STON1: variants seen among roughly 807,000 people sequenced by gnomAD.
STON1 encodes stonin-1.
STON1 carries 79 observed loss-of-function variants against 60.9 expected under a neutral mutation model. The ratio of observed to expected loss-of-function variants is 1.30; its 90% CI spans 1.08 to 1.56. STON1 has a LOEUF of 1.56. Among genes scored for constraint, STON1 ranks in the 40% most tolerant of loss-of-function variants. The pLI, the probability that STON1 is intolerant of heterozygous loss-of-function variation, is 0.00. For synonymous variants in STON1, 363 were observed against 306.9 expected (o/e 1.18, Z -1.91); for missense variants, 1,166 against 858.9 (o/e 1.36, Z -4.47).
chr2:48,535,374 TG>T (rs1399595330), intron 1 of STON1, among the ~76,000 whole-genome samples: 11 of 152,162 alleles, frequency 7.2e-5, no homozygotes, highest in Admixed American at 2.6e-4. Flanking sequence ...TTAGTGTGAG[TG>T]ATTCTGGGGA....
At chr2:48,576,898 C>T (rs1025366116) in intron 1 of STON1, among the ~76,000 whole-genome samples, 1 of 151,764 alleles carries the variant, frequency 6.6e-6, no homozygotes, top group African/African-American at 2.4e-5. Flanking sequence ...ACTAAAAATA[C>T]AAAAAATTAG....
chr2:48,562,118 C>G (rs1672638679), intron 1 of STON1, among the ~76,000 whole-genome samples: 2 of 152,216 alleles, frequency 1.3e-5, no homozygotes, highest in Non-Finnish European at 2.9e-5. Flanking sequence ...ACCTTGGCCT[C>G]CCAAAGTGCT....
At chr2:48,573,817 A>G (rs761529263) in intron 1 of STON1, among the ~76,000 whole-genome samples, 1 of 152,238 alleles carries the variant, frequency 6.6e-6, no homozygotes, top group Admixed American at 6.5e-5. Flanking sequence ...TGATATTTCC[A>G]TGCAGTGGAC....
intron 1 of STON1, among the ~76,000 whole-genome samples, chr2:48,544,105 G>A (rs1424180550): frequency 1.3e-5 from 2 of 152,154 alleles, no homozygotes; most frequent in East Asian, 1.9e-4. Flanking sequence ...CTCAGAACAT[G>A]TTGCTTTTTG....
intron 1 of STON1, among the ~76,000 whole-genome samples, chr2:48,539,537 T>C (rs1671572833): frequency 6.6e-6 from 1 of 152,100 alleles, no homozygotes; most frequent in Admixed American, 6.6e-5. Context: ...AGTCTCGCTC[T>C]GTCACCCAGG....
At chr2:48,557,540 G>A (rs1336653820) in intron 1 of STON1, among the ~76,000 whole-genome samples, 1 of 112,572 alleles carries the variant, frequency 8.9e-6, no homozygotes, top group Non-Finnish European at 1.9e-5. Context: ...GGTGGCGGCC[G>A]GGCAGAGGCT....
At chr2:48,579,874 T>A (rs1163932715) in intron 1 of STON1, among the ~76,000 whole-genome samples, 2 of 152,176 alleles carry the variant, frequency 1.3e-5, no homozygotes, top group Admixed American at 6.5e-5. Context: ...TAATGTTTGC[T>A]TCATATATTT....
intron 2 of STON1, among the ~76,000 whole-genome samples, chr2:48,587,396 G>T (rs927915660): frequency 1.3e-5 from 2 of 152,148 alleles, no homozygotes; most frequent in African/African-American, 2.4e-5. Context: ...GTGTTCAAGA[G>T]ATTTTTCTGC....
chr2:48,593,439 A>G (rs2103965213), intron 3 of STON1, among the ~76,000 whole-genome samples: 1 of 152,338 alleles, frequency 6.6e-6, no homozygotes, highest in East Asian at 1.9e-4. Context: ...ACTAGAAAAT[A>G]TTTCAAAAAT....
At chr2:48,563,753 G>T (rs562432489) in intron 1 of STON1, among the ~76,000 whole-genome samples, 1 of 151,754 alleles carries the variant, frequency 6.6e-6, no homozygotes, top group Non-Finnish European at 1.5e-5. Context: ...GAGTGCAGTG[G>T]TGTGATTTCG....
At chr2:48,587,582 C>T (rs186934198) in intron 2 of STON1, among the ~76,000 whole-genome samples, 1 of 152,214 alleles carries the variant, frequency 6.6e-6, no homozygotes, top group Admixed American at 6.5e-5. Context: ...TGAGCCACTG[C>T]GTCCGGCCTC....
At chr2:48,578,428 C>T (rs1469808074) in intron 1 of STON1, among the ~76,000 whole-genome samples, 1 of 151,894 alleles carries the variant, frequency 6.6e-6, no homozygotes, top group African/African-American at 2.4e-5. Context: ...CCTTTTTTTT[C>T]TTTTTTTAAC....
chr2:48,585,972 G>A (rs548860867), intron 2 of STON1, among the ~76,000 whole-genome samples: 23 of 152,378 alleles, frequency 1.5e-4, no homozygotes, highest in Middle Eastern at 3.4e-3. Flanking sequence ...GCTTGCCCAC[G>A]TGGTGTGAGA....
chr2:48,541,894 C>G (rs1240809173), intron 1 of STON1, among the ~76,000 whole-genome samples: 1 of 152,156 alleles, frequency 6.6e-6, no homozygotes, highest in Non-Finnish European at 1.5e-5. Flanking sequence ...TCACTCTCAT[C>G]TGGCCAATGT....
intron 1 of STON1, among the ~76,000 whole-genome samples, chr2:48,552,141 C>G (rs1163478243): frequency 6.6e-6 from 1 of 152,206 alleles, no homozygotes; most frequent in Non-Finnish European, 1.5e-5. Flanking sequence ...GGGGCATGTC[C>G]ATGCAATGGA....
intron 1 of STON1, among the ~76,000 whole-genome samples, chr2:48,565,068 T>G (rs1270948032): frequency 8.0e-6 from 1 of 124,662 alleles, no homozygotes; most frequent in Admixed American, 8.3e-5. Context: ...TTTTTTTTTT[T>G]ATAAGAAGGA....
chr2:48,591,583 C>T (rs1043275456), intron 2 of STON1, 70 bp from the exon 3 acceptor site: 2 of 1,569,310 alleles, frequency 1.3e-6, no homozygotes, highest in Admixed American at 1.8e-5. Flanking sequence ...AGATGAGTGC[C>T]TTTTATGTTC....
intron 1 of STON1, among the ~76,000 whole-genome samples, chr2:48,546,693 T>A (rs1443090771): frequency 6.6e-6 from 1 of 152,132 alleles, no homozygotes; most frequent in African/African-American, 2.4e-5. Context: ...GTTTTAAGAG[T>A]TGTCAGTTAT....
intron 1 of STON1, among the ~76,000 whole-genome samples, chr2:48,571,249 T>C (rs1673195924): frequency 6.6e-6 from 1 of 152,140 alleles, no homozygotes; most frequent in African/African-American, 2.4e-5. Flanking sequence ...GCATGCAGGC[T>C]GGGATGGAAT....
Sources: allele counts gnomAD v4.1 joint callset (sites outside exome capture counted in the v4.1 genomes callset), GRCh38; gene constraint gnomAD v4.1.1; transcripts MANE v1.5; gene names NCBI Gene and HGNC (gene_info 2026-07-23, HGNC 2026-07-21).